The following GRHL2 variants were observed in gnomAD, a reference collection of about 807,000 sequenced individuals.
The protein encoded by GRHL2 is grainyhead like transcription factor 2, also known as grainyhead-like protein 2 homolog.
Under a neutral mutation model 83.8 loss-of-function variants are expected in GRHL2, and 21 were observed. The observed-to-expected ratio is 0.25, with a 90% CI of 0.18 to 0.36. GRHL2 has a LOEUF of 0.36. Among genes scored for constraint, GRHL2 ranks in the 10% least tolerant of loss-of-function variants. The probability of loss-of-function intolerance (pLI) is 1.00; values close to 1 mark genes in which losing one functional copy is unlikely to be tolerated. For synonymous variants in GRHL2, 280 were observed against 278.9 expected (o/e 1.00, Z -0.04); for missense variants, 623 against 781.8 (o/e 0.80, Z 2.42).
intron 8 of GRHL2, among the ~76,000 whole-genome samples, chr8:101,603,023 A>G (rs1812550900): frequency 6.6e-6 from 1 of 152,214 alleles, no homozygotes; most frequent in South Asian, 2.1e-4. Context: ...AATGTGTGAC[A>G]TTCTTCTGAA....
chr8:101,663,635 A>AAATTAATT (rs150381418), intron 14 of GRHL2, among the ~76,000 whole-genome samples: 32,859 of 151,364 alleles, frequency 0.22, 3,668 homozygotes, highest in South Asian at 0.27. Context: ...ATAAATAAAT[A>AAATTAATT]AATAAATAAA....
chr8:101,625,491 T>C (rs1203303993), intron 9 of GRHL2, among the ~76,000 whole-genome samples: 4 of 152,006 alleles, frequency 2.6e-5, no homozygotes, highest in African/African-American at 9.7e-5. Flanking sequence ...TGTTTGAAAA[T>C]ATTTTTATAC....
intron 1 of GRHL2, among the ~76,000 whole-genome samples, chr8:101,514,214 C>T (rs1401042635): frequency 6.6e-6 from 1 of 152,168 alleles, no homozygotes; most frequent in Non-Finnish European, 1.5e-5. Context: ...GAATACTTGG[C>T]TAGAAAAACT....
At chr8:101,552,602 C>A in intron 2 of GRHL2, 113 bp from the exon 3 acceptor site, 1 of 954,080 alleles carries the variant, frequency 1.0e-6, no homozygotes, top group Non-Finnish European at 1.7e-6. Flanking sequence ...ACTTTTCCAC[C>A]ATTTCCTGGA....
rs1011458334 is a variant in GRHL2 at position 101,616,254 on chromosome 8, T to G, written c.1099-3285T>G. On this transcript the variant is annotated intron_variant, in intron 8 of 15. Transcript: ENST00000646743. ...GGCATGATCTCGGCTCACTGCAAAC[T>G]CCACCTCCCAGGTTCAAGAGATTCT... is the stretch of plus-strand genomic sequence containing the variant. Among the ~76,000 whole-genome samples, 17 of 152,002 alleles carry G rather than the reference T, an allele frequency of 1.1e-4. No individual in the cohort carries two copies. The South Asian group carries it at 3.5e-3, about 32-fold the overall frequency.
chr8:101,661,357 C>G (rs1218968729), intron 14 of GRHL2, among the ~76,000 whole-genome samples: 1 of 152,114 alleles, frequency 6.6e-6, no homozygotes, highest in Non-Finnish European at 1.5e-5. Flanking sequence ...GGATGGAGCT[C>G]TTTTGTGAAT....
At chr8:101,679,812 G>A in the GRHL2 span, among the ~76,000 whole-genome samples, 2 of 145,180 alleles carry the variant, frequency 1.4e-5, no homozygotes, top group Non-Finnish European at 3.0e-5. Flanking sequence ...AGAATTTCAT[G>A]TCCAGCCAAA....
intron 12 of GRHL2, among the ~76,000 whole-genome samples, chr8:101,642,056 AACCCACAG>A (rs1563621494): frequency 6.6e-6 from 1 of 152,196 alleles, no homozygotes; most frequent in Non-Finnish European, 1.5e-5. Flanking sequence ...ATGGTTGTGA[AACCCACAG>A]CTACAGAGGG....
chr8:101,656,117 T>C (rs1813780732), intron 14 of GRHL2, among the ~76,000 whole-genome samples: 1 of 152,252 alleles, frequency 6.6e-6, no homozygotes, highest in Non-Finnish European at 1.5e-5. Context: ...ACAGCACTTA[T>C]CACCACTTGA....
At chr8:101,658,767 A>G (rs1470570837) in intron 14 of GRHL2, among the ~76,000 whole-genome samples, 1 of 152,136 alleles carries the variant, frequency 6.6e-6, no homozygotes, top group Admixed American at 6.6e-5. Flanking sequence ...TCCCTATTTT[A>G]TTTTTCCATT....
At chr8:101,680,445 A>C in the GRHL2 span, among the ~76,000 whole-genome samples, 1 of 148,556 alleles carries the variant, frequency 6.7e-6, no homozygotes, top group African/African-American at 2.5e-5. Flanking sequence ...AGTGACCTAC[A>C]AAGAGACTTA....
At chr8:101,511,323 C>T (rs940175306) in intron 1 of GRHL2, among the ~76,000 whole-genome samples, 3 of 152,106 alleles carry the variant, frequency 2.0e-5, no homozygotes, top group South Asian at 2.1e-4. Context: ...ATAGATTGCT[C>T]TCCAAAAATG....
chr8:101,516,169 A>G (rs1287019735), intron 1 of GRHL2, among the ~76,000 whole-genome samples: 3 of 152,206 alleles, frequency 2.0e-5, no homozygotes, highest in African/African-American at 4.8e-5. Context: ...TCCCTCCAGA[A>G]ACCTGGTGGT....
intron 1 of GRHL2, among the ~76,000 whole-genome samples, chr8:101,541,434 T>C (rs1811152355): frequency 6.6e-6 from 1 of 151,972 alleles, no homozygotes; most frequent in Non-Finnish European, 1.5e-5. Flanking sequence ...TATACATTCC[T>C]ATCAACAGTA....
intron 7 of GRHL2, among the ~76,000 whole-genome samples, chr8:101,580,365 C>G (rs911592248): frequency 1.3e-5 from 2 of 152,190 alleles, no homozygotes; most frequent in African/African-American, 4.8e-5. Context: ...ATTGCTAACT[C>G]TAATCACTCA....
At chr8:101,608,243 C>T (rs774463775) in intron 8 of GRHL2, among the ~76,000 whole-genome samples, 5 of 152,306 alleles carry the variant, frequency 3.3e-5, no homozygotes, top group African/African-American at 7.2e-5. Context: ...GCACAGCTGG[C>T]GCCTGGTAGA....
At chr8:101,509,433 C>T (rs995266911) in intron 1 of GRHL2, among the ~76,000 whole-genome samples, 2 of 151,772 alleles carry the variant, frequency 1.3e-5, no homozygotes, top group Non-Finnish European at 2.9e-5. Context: ...TTAAACATAA[C>T]ATCTGTGGAA....
At chr8:101,576,316 C>T (rs1012093323) in intron 6 of GRHL2, among the ~76,000 whole-genome samples, 2 of 152,142 alleles carry the variant, frequency 1.3e-5, no homozygotes, top group African/African-American at 4.8e-5. Context: ...CAAGCTCAAA[C>T]GGATCCTCCT....
chr8:101,585,974 C>G (rs904942539), intron 7 of GRHL2, among the ~76,000 whole-genome samples: 1 of 151,776 alleles, frequency 6.6e-6, no homozygotes, highest in African/African-American at 2.4e-5. Context: ...AGGGAAGGGT[C>G]AGGATTCTAT....
Sources: gnomAD v4.1 joint callset for allele counts (sites outside exome capture counted in the v4.1 genomes callset) on GRCh38, gnomAD v4.1.1 for gene constraint, MANE v1.5 for transcripts, NCBI Gene and HGNC (gene_info 2026-07-23, HGNC 2026-07-21) for gene names.